Variants in RUSC2 observed in about 807,000 individuals in gnomAD.
RUSC2 encodes the protein AP-4 complex accessory subunit RUSC2.
RUSC2 carries 34 observed loss-of-function variants against 122.2 expected under a neutral mutation model. That is an observed-to-expected ratio of 0.28 (90% CI 0.21 to 0.37). The LOEUF (loss-of-function observed/expected upper bound fraction) is 0.37. RUSC2 is among the 10% of genes least tolerant of loss of function. The pLI is 1.00. For synonymous variants in RUSC2, 784 were observed against 790.0 expected, an observed-to-expected ratio of 0.99 and a Z score of 0.13; for missense variants, 1,747 against 1,952.4, an observed-to-expected ratio of 0.89 and a Z score of 1.98.
intron 1 of RUSC2, among the ~76,000 whole-genome samples, chr9:35,497,046 A>C (rs1564241349): frequency 6.6e-6 from 1 of 152,200 alleles, no homozygotes; most frequent in Admixed American, 6.5e-5. Flanking sequence ...AAGCATCTTT[A>C]ATGGGCAAGT....
chr9:35,556,108 C>T lies in RUSC2; in HGVS notation c.2813C>T (p.Ala938Val), dbSNP rs1822012020. Residue 938 changes from alanine (A) to valine (V), a missense_variant, in exon 4 of 12, where the codon GCT (alanine) becomes GTT (valine). Ala to Val is a moderately conservative substitution (Grantham distance 64). Coordinates refer to ENST00000361226, the MANE Select transcript of RUSC2 (RefSeq NM_014806.5). Reference sequence around the variant, plus strand: ...TTTGAGTTCCCTGGCTCCCTCAGTGCTGCCAGCCATCTGAACTGCCGGCTG... The same window carrying T: ...TTTGAGTTCCCTGGCTCCCTCAGTGTTGCCAGCCATCTGAACTGCCGGCTG... ...PIFEFPGSLS[A>V]ASHLNCRLNG... 1 of 1,614,208 alleles carries T rather than the reference C, an allele frequency of 6.2e-7. No homozygotes were observed. Among genetic ancestry groups the T allele is most frequent in the Non-Finnish European group, 8.5e-7 (1 of 1,180,030 alleles).
At chr9:35,508,883 C>T (rs905023419) in intron 1 of RUSC2, among the ~76,000 whole-genome samples, 1 of 152,158 alleles carries the variant, frequency 6.6e-6, no homozygotes, top group Admixed American at 6.5e-5. Flanking sequence ...TTTCCCAGAA[C>T]TGAAGAATAT....
At chr9:35,502,745 C>G (rs980219970) in intron 1 of RUSC2, among the ~76,000 whole-genome samples, 1 of 152,182 alleles carries the variant, frequency 6.6e-6, no homozygotes, top group Non-Finnish European at 1.5e-5. Flanking sequence ...TGAGCCATAA[C>G]TTGCTTACCC....
chr9:35,553,830 G>A (rs1019485265), intron 2 of RUSC2, among the ~76,000 whole-genome samples: 5 of 152,136 alleles, frequency 3.3e-5, no homozygotes, highest in African/African-American at 1.2e-4. Flanking sequence ...ATGGGATTGT[G>A]GTCCCCATCC....
At chr9:35,506,405 C>T (rs1025392955) in intron 1 of RUSC2, among the ~76,000 whole-genome samples, 1 of 152,162 alleles carries the variant, frequency 6.6e-6, no homozygotes, top group Non-Finnish European at 1.5e-5. Flanking sequence ...CTTCCTGTCC[C>T]CCTTCCCCAC....
intron 1 of RUSC2, among the ~76,000 whole-genome samples, chr9:35,502,983 C>T (rs1429545020): frequency 3.3e-5 from 5 of 152,240 alleles, no homozygotes; most frequent in Non-Finnish European, 4.4e-5. Context: ...GCCTTAGCCT[C>T]CTGAGTAGCT....
At chr9:35,505,342 AT>A (rs1820894055) in intron 1 of RUSC2, among the ~76,000 whole-genome samples, 1 of 152,158 alleles carries the variant, frequency 6.6e-6, no homozygotes, top group Non-Finnish European at 1.5e-5. Flanking sequence ...TTGTATGCAC[AT>A]GGTTTTCTCT....
At chr9:35,524,089 T>C (rs960407384) in intron 1 of RUSC2, among the ~76,000 whole-genome samples, 4 of 151,900 alleles carry the variant, frequency 2.6e-5, no homozygotes, top group Non-Finnish European at 5.9e-5. Context: ...TTTGGGAGGC[T>C]GAGGTGGGTG....
At chr9:35,532,675 G>A (rs1821443733) in intron 1 of RUSC2, among the ~76,000 whole-genome samples, 1 of 151,956 alleles carries the variant, frequency 6.6e-6, no homozygotes, top group Admixed American at 6.6e-5. Flanking sequence ...TAACCTGGGA[G>A]GTGGAGGTTA....
At chr9:35,556,481 CTG>C (rs1822022926) in intron 5 of RUSC2, 33 bp downstream of exon 5, 12 of 1,604,684 alleles carry the variant, frequency 7.5e-6, no homozygotes, top group Non-Finnish European at 7.7e-6. Context: ...GCCAGGGACT[CTG>C]CTGTCACTAC....
At chr9:35,531,659 G>C (rs543493306) in intron 1 of RUSC2, among the ~76,000 whole-genome samples, 2 of 152,334 alleles carry the variant, frequency 1.3e-5, no homozygotes, top group African/African-American at 4.8e-5. Context: ...ATTTAGCTTA[G>C]AGAGTGGTTA....
At chr9:35,493,425 A>C (rs1448040329) in intron 1 of RUSC2, among the ~76,000 whole-genome samples, 1 of 152,118 alleles carries the variant, frequency 6.6e-6, no homozygotes, top group Non-Finnish European at 1.5e-5. Context: ...TGCTATTGTA[A>C]ATAGTGCTGC....
intron 1 of RUSC2, among the ~76,000 whole-genome samples, chr9:35,507,174 A>C (rs886774983): frequency 6.6e-6 from 1 of 152,052 alleles, no homozygotes; most frequent in Non-Finnish European, 1.5e-5. Flanking sequence ...CTATAATCCC[A>C]CTTTCCTATG....
intron 1 of RUSC2, among the ~76,000 whole-genome samples, chr9:35,492,954 C>T (rs1014265900): frequency 1.3e-5 from 2 of 151,876 alleles, no homozygotes; most frequent in Admixed American, 6.6e-5. Flanking sequence ...TGGTTTATTT[C>T]GGTTAGCATA....
intron 1 of RUSC2, among the ~76,000 whole-genome samples, chr9:35,535,024 C>T (rs778155853): frequency 2.5e-4 from 37 of 150,518 alleles, no homozygotes; most frequent in Non-Finnish European, 4.3e-4. Context: ...CAAAGTTTTT[C>T]TGTTTTTTTC....
chr9:35,520,967 A>G (rs188224991), intron 1 of RUSC2, among the ~76,000 whole-genome samples: 1 of 152,156 alleles, frequency 6.6e-6, no homozygotes, highest in East Asian at 1.9e-4. Context: ...CTTATTCCCT[A>G]TAGTCTTCCT....
chr9:35,528,728 A>C (rs1211703619), intron 1 of RUSC2, among the ~76,000 whole-genome samples: 2 of 152,058 alleles, frequency 1.3e-5, no homozygotes, highest in East Asian at 1.9e-4. Context: ...CTGGTCTTGA[A>C]CTTCTAGGCT....
intron 1 of RUSC2, among the ~76,000 whole-genome samples, chr9:35,513,008 ATGCAGTTATAATGTC>A (rs1430371381): frequency 6.6e-6 from 1 of 152,226 alleles, no homozygotes; most frequent in African/African-American, 2.4e-5. Context: ...GATGATGCAC[ATGCAGTTATAATGTC>A]TGGCAGTGAG....
rs1200241383 is a variant in RUSC2, at chr9:35,555,282, C to T, written c.2237C>T (p.Pro746Leu). 6.2e-7 allele frequency: 1 copy of T among 1,613,808 alleles called. No homozygotes were observed. Among genetic ancestry groups the T allele is most frequent in the African/African-American group, 1.3e-5 (1 of 75,078 alleles). ...APAAQVSVPA[P>L]SGEPQASTPR... Reference sequence around the variant, plus strand: ...GCTGCTCAAGTCTCAGTCCCAGCTCCCTCAGGGGAACCGCAGGCATCCACT... The same window carrying T: ...GCTGCTCAAGTCTCAGTCCCAGCTCTCTCAGGGGAACCGCAGGCATCCACT... The change falls in exon 3 of 12, where the codon CCC becomes CTC. Residue 746 changes from proline to leucine, a missense_variant. Physicochemically the swap from Pro to Leu is moderately conservative, Grantham distance 98. Coordinates refer to ENST00000361226, the MANE Select transcript of RUSC2 (RefSeq NM_014806.5). The surrounding 1 kb of genome is among the most constrained non-coding windows in gnomAD (Gnocchi z 4.6).
Sources: allele counts gnomAD v4.1 joint callset (sites outside exome capture counted in the v4.1 genomes callset), GRCh38; gene constraint gnomAD v4.1.1; non-coding constraint Gnocchi (gnomAD v3.1); transcripts MANE v1.5; gene names NCBI Gene and HGNC (gene_info 2026-07-23, HGNC 2026-07-21).